The following MYO9A variants were observed in gnomAD, a reference collection of about 807,000 sequenced individuals.
MYO9A encodes unconventional myosin-IXa.
MYO9A carries 103 observed loss-of-function variants against 293.3 expected under a neutral mutation model. That is an observed-to-expected ratio of 0.35 (90% CI 0.30 to 0.41). MYO9A has a LOEUF of 0.41. Ranked by LOEUF, MYO9A falls within the 10% of genes least tolerant of loss-of-function variation. The pLI is 1.00. For missense variants in MYO9A, 2,685 were observed against 3,033.0 expected, an observed-to-expected ratio of 0.89 and a Z score of 2.69; for synonymous variants, 1,001 against 1,035.7, an observed-to-expected ratio of 0.97 and a Z score of 0.64.
intron 37 of MYO9A, among the ~76,000 whole-genome samples, chr15:71,850,634 C>T (rs982044014): frequency 5.9e-5 from 9 of 151,648 alleles, no homozygotes; most frequent in South Asian, 2.1e-4. Flanking sequence ...GGTGTGGTGG[C>T]GCACACCTGT....
rs191175106 is a variant in MYO9A, at chr15:71,830,899, G to A, written c.6838-588C>T. Among the ~76,000 whole-genome samples the A allele has an allele frequency of 1.6e-4, 24 of 151,046 alleles. No homozygotes were observed. The East Asian group carries it at 4.3e-3, about 27-fold the overall frequency. On this transcript the variant is annotated intron_variant, in intron 39 of 41. Coordinates refer to ENST00000356056, the MANE Select transcript of MYO9A (RefSeq NM_006901.4). ...TGTAGTCATTTATAGAACACAGGGT[G>A]CTAGTGAGATATATTTTCTTAGGAA... is the stretch of plus-strand genomic sequence containing the variant.
chr15:71,933,055 C>A (rs775378914), intron 18 of MYO9A, among the ~76,000 whole-genome samples: 1 of 152,020 alleles, frequency 6.6e-6, no homozygotes, highest in Non-Finnish European at 1.5e-5. Flanking sequence ...GGGGCAAGTA[C>A]TGCTCACCAA....
At chr15:71,943,236 T>C (rs916893904) in intron 15 of MYO9A, among the ~76,000 whole-genome samples, 2 of 152,082 alleles carry the variant, frequency 1.3e-5, no homozygotes, top group Non-Finnish European at 2.9e-5. Context: ...AAGATAAAAA[T>C]TGTTATTACT....
At chr15:71,978,327 C>A (rs754577819) in intron 11 of MYO9A, 35 bp from the exon 12 acceptor site, 36 of 1,561,792 alleles carry the variant, frequency 2.3e-5, no homozygotes, top group Non-Finnish European at 3.1e-5. Context: ...ACAATTTATT[C>A]ATCTTGCAGA....
chr15:71,893,779 C>T lies in MYO9A; in HGVS notation c.5043-1G>A, dbSNP rs202090344. ...ACTGTTTAAGGCTTCTTTGCTGACACTTTAAATAAAACAATGAAATTACAT... is the reference window on the plus strand; with the variant it reads ...ACTGTTTAAGGCTTCTTTGCTGACATTTTAAATAAAACAATGAAATTACAT... On this transcript the variant is annotated splice_acceptor_variant, in intron 25 of 41. Coordinates refer to ENST00000356056, the MANE Select transcript of MYO9A (RefSeq NM_006901.4). LOFTEE classifies it high-confidence loss of function. 271 of 1,610,232 alleles carry T rather than the reference C, an allele frequency of 1.7e-4. 4 individuals are homozygous for T. The East Asian group carries it at 3.0e-3, about 18-fold the overall frequency.
At chr15:71,979,624 T>C (rs1394642167) in intron 11 of MYO9A, among the ~76,000 whole-genome samples, 2 of 152,236 alleles carry the variant, frequency 1.3e-5, no homozygotes, top group African/African-American at 4.8e-5. Flanking sequence ...TCATTTTAAT[T>C]GCATTGTGAA....
rs1042490116 is a variant in MYO9A at position 71,824,198 on chromosome 15, C to G, written c.*2382G>C. 2 of 151,904 alleles carry G rather than the reference C, an allele frequency of 1.3e-5. No individual in the cohort carries two copies. The highest frequency in any genetic ancestry group is 1.3e-4 in the Admixed American group (2 of 15,246). 9.4% of individuals were successfully genotyped at this position (151,904 alleles called of 1,614,324 possible). A position where few individuals can be genotyped will look rare whatever the true frequency, so the allele number is the denominator to read the frequency against. On this transcript the variant is annotated 3_prime_UTR_variant, in exon 42 of 42. Transcript: ENST00000356056. The stretch of plus-strand genomic sequence containing the variant: ...TCCACAAATCTAGCAACTGAAAAAA[C>G]AAGTTTTTTTAATTGAATTTTATCC...
At chr15:71,855,983 C>G (rs1315308562) in intron 34 of MYO9A, among the ~76,000 whole-genome samples, 1 of 151,960 alleles carries the variant, frequency 6.6e-6, no homozygotes, top group East Asian at 1.9e-4. Context: ...GTGTTAGGTA[C>G]CAAGGAAACA....
chr15:71,854,242 A>G (rs1033985840), intron 35 of MYO9A, 135 bp downstream of exon 35: 2 of 721,424 alleles, frequency 2.8e-6, no homozygotes, highest in Non-Finnish European at 4.1e-6. Context: ...AAAAAATGAT[A>G]ACAAAGCATC....
chr15:71,914,157 C>A (rs2057941804), intron 19 of MYO9A, among the ~76,000 whole-genome samples: 1 of 152,166 alleles, frequency 6.6e-6, no homozygotes, highest in South Asian at 2.1e-4. Flanking sequence ...CTTTCTATCT[C>A]CATCTCTTCA....
At chr15:71,995,721 T>C (rs879894618) in intron 9 of MYO9A, among the ~76,000 whole-genome samples, 7 of 152,088 alleles carry the variant, frequency 4.6e-5, no homozygotes, top group Non-Finnish European at 1.0e-4. Context: ...TTTTGAAGTA[T>C]AAAGAAAATA....
intron 25 of MYO9A, among the ~76,000 whole-genome samples, chr15:71,895,682 C>G (rs2057302803): frequency 6.6e-6 from 1 of 151,916 alleles, no homozygotes; most frequent in African/African-American, 2.4e-5. Flanking sequence ...TGAATTTTAT[C>G]TGTAGAGTTT....
rs2054505621 is a variant in MYO9A at position 71,826,493 on chromosome 15, C to T, written c.*87G>A. Reference sequence around the variant, plus strand: ...GAGGCAGGACCACAATTAGGATTGACTATTGTGGACGAGGTGATGAAACGC... The same window carrying T: ...GAGGCAGGACCACAATTAGGATTGATTATTGTGGACGAGGTGATGAAACGC... On this transcript the variant is annotated 3_prime_UTR_variant, in exon 42 of 42. Transcript: ENST00000356056. The T allele has an allele frequency of 1.7e-5, 22 of 1,259,678 alleles. No homozygotes were observed. The highest frequency in any genetic ancestry group is 2.3e-5 in the Non-Finnish European group (21 of 905,274). 78.0% of individuals were successfully genotyped at this position (1,259,678 alleles called of 1,614,324 possible).
chr15:71,972,515 G>C (rs2076037402), intron 12 of MYO9A, among the ~76,000 whole-genome samples: 1 of 152,110 alleles, frequency 6.6e-6, no homozygotes, highest in Admixed American at 6.5e-5. Flanking sequence ...TCGATCTGTG[G>C]GATCTGATGC....
intron 1 of MYO9A, among the ~76,000 whole-genome samples, chr15:72,114,015 GAAGA>G (rs1276212651): frequency 6.6e-6 from 1 of 152,196 alleles, no homozygotes; most frequent in African/African-American, 2.4e-5. Context: ...GAAAAAAACT[GAAGA>G]AAGAAACGGT....
chr15:72,117,180 G>C (rs2081016275), intron 1 of MYO9A: 2 of 152,390 alleles, frequency 1.3e-5, no homozygotes, highest in South Asian at 4.1e-4. Context: ...AGAACACCAT[G>C]ACAGCGGCTA....
chr15:71,902,450 G>C (rs1275663477), intron 22 of MYO9A, among the ~76,000 whole-genome samples: 1 of 151,852 alleles, frequency 6.6e-6, no homozygotes, highest in Non-Finnish European at 1.5e-5. Flanking sequence ...TAGATGAGAA[G>C]AGATAAGGAA....
At chr15:72,111,269 C>T (rs1428391152) in intron 1 of MYO9A, among the ~76,000 whole-genome samples, 1 of 151,822 alleles carries the variant, frequency 6.6e-6, no homozygotes, top group East Asian at 1.9e-4. Flanking sequence ...GCAGGCAGAT[C>T]GCTTGAGGTC....
At chr15:72,038,573 C>T (rs530537160) in intron 2 of MYO9A, among the ~76,000 whole-genome samples, 9 of 152,278 alleles carry the variant, frequency 5.9e-5, no homozygotes, top group African/African-American at 2.2e-4. Context: ...CCCCCACACA[C>T]AAAAAGACAC....
Sources: gnomAD v4.1 joint callset for allele counts (sites outside exome capture counted in the v4.1 genomes callset) on GRCh38, gnomAD v4.1.1 for gene constraint, MANE v1.5 for transcripts, NCBI Gene and HGNC (gene_info 2026-07-23, HGNC 2026-07-21) for gene names.